LRP1B: variants seen among roughly 807,000 people sequenced by gnomAD.
LRP1B encodes the protein LDL receptor related protein 1B.
In LRP1B, 217 loss-of-function variants were observed where a neutral mutation model predicts 556.6. The observed-to-expected ratio is 0.39, with a 90% CI of 0.35 to 0.44. The LOEUF (loss-of-function observed/expected upper bound fraction) is 0.44. LRP1B is among the 20% of genes least tolerant of loss of function. The pLI is 1.00. For synonymous variants in LRP1B, 2,047 were observed against 1,865.8 expected (o/e 1.10, Z -2.50); for missense variants, 5,053 against 5,620.8 (o/e 0.90, Z 3.23).
chr2:140,860,866 T>C (rs1692766498), intron 27 of LRP1B, among the ~76,000 whole-genome samples: 1 of 151,964 alleles, frequency 6.6e-6, no homozygotes, highest in African/African-American at 2.4e-5. Context: ...AGAAGAAGCA[T>C]ACAAAAGAAG....
chr2:140,764,280 C>T (rs1399008432), intron 35 of LRP1B, among the ~76,000 whole-genome samples: 2 of 152,152 alleles, frequency 1.3e-5, no homozygotes, highest in African/African-American at 4.8e-5. Flanking sequence ...TCTACTAGCA[C>T]AAATTTGCAG....
At chr2:140,947,918 G>C (rs1157352504) in intron 20 of LRP1B, among the ~76,000 whole-genome samples, 1 of 152,186 alleles carries the variant, frequency 6.6e-6, no homozygotes, top group South Asian at 2.1e-4. Flanking sequence ...CATTCACATT[G>C]ACAGTATACC....
intron 20 of LRP1B, among the ~76,000 whole-genome samples, chr2:140,942,925 T>C (rs921446274): frequency 6.6e-6 from 1 of 152,084 alleles, no homozygotes; most frequent in African/African-American, 2.4e-5. Flanking sequence ...CGAAAATCTC[T>C]TATATCAATA....
intron 25 of LRP1B, among the ~76,000 whole-genome samples, chr2:140,869,968 A>G (rs1693075211): frequency 6.6e-6 from 1 of 152,072 alleles, no homozygotes; most frequent in African/African-American, 2.4e-5. Flanking sequence ...GCCTTTCAAG[A>G]ACATTCTAAC....
rs78033748 is a variant in LRP1B, at chr2:141,363,232, A to T, written c.344-108591T>A. 7.2e-3 allele frequency among the ~76,000 whole-genome samples: 1,091 copies of T among 152,346 alleles called. 15 individuals carry two copies. The highest frequency in any genetic ancestry group is 0.025 in the African/African-American group (1,034 of 41,594). ...CAATCTTAACCATTCTTCAAAACCC[A>T]TTCAAGTATTTAAATGAATAGATCT... On this transcript the variant is annotated intron_variant, in intron 3 of 90. Coordinates refer to ENST00000389484, the MANE Select transcript of LRP1B (RefSeq NM_018557.3).
Position 141,761,359 on chromosome 2 carries a change from CAA to C in LRP1B, c.205+48918_205+48919del, listed in dbSNP as rs11355588. Among the ~76,000 whole-genome samples the C allele has an allele frequency of 3.7e-3, 548 of 148,078 alleles. 3 individuals carry two copies. Among genetic ancestry groups the C allele is most frequent in the South Asian group, 0.013 (60 of 4,702 alleles). ...GAATTTTCCCTCAGCAATCCTAAGT[CAA>C]AAAAAAAAAATACATTGAAGTCTAG... On this transcript the variant is annotated intron_variant, in intron 2 of 90. Coordinates refer to ENST00000389484, the MANE Select transcript of LRP1B (RefSeq NM_018557.3).
At chr2:140,584,102 T>C (rs939040434) in intron 43 of LRP1B, among the ~76,000 whole-genome samples, 4 of 152,078 alleles carry the variant, frequency 2.6e-5, no homozygotes, top group Admixed American at 2.6e-4. Context: ...CACAGGGAAA[T>C]ATTGCCTCAA....
intron 15 of LRP1B, among the ~76,000 whole-genome samples, chr2:141,001,748 G>T (rs1474044521): frequency 6.6e-6 from 1 of 152,090 alleles, no homozygotes; most frequent in Non-Finnish European, 1.5e-5. Context: ...ATGAGACCAG[G>T]CAGAAGTCCC....
chr2:140,771,270 T>A (rs998094465), intron 33 of LRP1B, among the ~76,000 whole-genome samples: 3 of 152,112 alleles, frequency 2.0e-5, no homozygotes, highest in Non-Finnish European at 4.4e-5. Flanking sequence ...TTGTCATAAA[T>A]ATTTTCATAG....
intron 14 of LRP1B, among the ~76,000 whole-genome samples, chr2:141,008,651 T>C (rs906240413): frequency 2.0e-5 from 3 of 151,910 alleles, no homozygotes; most frequent in Non-Finnish European, 4.4e-5. Context: ...CCTTCTGGCT[T>C]CATCAAAAAC....
At position 140,692,245 on chromosome 2, in the gene LRP1B, A is replaced by G. The variant is rs576868282; in HGVS notation, c.6799+8005T>C. Among the ~76,000 whole-genome samples, 3 of 152,272 alleles carry G rather than the reference A, an allele frequency of 2.0e-5. No homozygotes were observed. In the East Asian group the frequency reaches 5.8e-4, roughly 29 times the overall value. ...CATAGTTTTCAATATCACATCAACC[A>G]TATCATTTGAGAATATTTTTATTGT... On this transcript the variant is annotated intron_variant, in intron 41 of 90. Coordinates refer to ENST00000389484, the MANE Select transcript of LRP1B (RefSeq NM_018557.3).
chr2:142,130,733 G>T lies in LRP1B; in HGVS notation c.-4C>A, dbSNP rs1707820042. On this transcript the variant is annotated 5_prime_UTR_variant, in exon 1 of 91. Transcript: ENST00000389484. ...AGGCGAGGAGAAACTCGGACATTGT[G>T]GTCGCCCGGTAAGGAAGCCTGCGCT... 1 of 1,609,290 alleles carries T rather than the reference G, an allele frequency of 6.2e-7. No individual in the cohort carries two copies. Among genetic ancestry groups the T allele is most frequent in the Non-Finnish European group, 8.5e-7 (1 of 1,177,666 alleles).
At chr2:140,559,072 T>C (rs1680838112) in intron 43 of LRP1B, among the ~76,000 whole-genome samples, 1 of 152,150 alleles carries the variant, frequency 6.6e-6, no homozygotes, top group East Asian at 1.9e-4. Context: ...GATAATAGTC[T>C]TGCAAAAATA....
intron 1 of LRP1B, among the ~76,000 whole-genome samples, chr2:142,022,648 C>A (rs74269572): frequency 0.036 from 5,473 of 152,008 alleles, 224 homozygotes; most frequent in East Asian, 0.17. Context: ...ATAAACAAAT[C>A]TCACTGCTTT....
At chr2:140,306,304 G>C (rs146299827) in intron 83 of LRP1B, among the ~76,000 whole-genome samples, 49,773 of 151,438 alleles carry the variant, frequency 0.33, 8,945 homozygotes, top group Non-Finnish European at 0.42. Context: ...TGGTTGGTAG[G>C]CTTTTAATTA....
At chr2:140,860,158 C>T (rs1692746870) in intron 27 of LRP1B, among the ~76,000 whole-genome samples, 1 of 152,114 alleles carries the variant, frequency 6.6e-6, no homozygotes, top group Non-Finnish European at 1.5e-5. Context: ...TACTACAGTA[C>T]ACAACCTCTC....
chr2:141,499,966 G>T (rs1444812150), intron 2 of LRP1B, among the ~76,000 whole-genome samples: 1 of 152,028 alleles, frequency 6.6e-6, no homozygotes, highest in Non-Finnish European at 1.5e-5. Context: ...TTGACATAAG[G>T]ATTACTTTGA....
intron 3 of LRP1B, among the ~76,000 whole-genome samples, chr2:141,448,093 T>C (rs866561584): frequency 6.6e-6 from 1 of 152,204 alleles, no homozygotes; most frequent in African/African-American, 2.4e-5. Flanking sequence ...GCTGCTGCCT[T>C]TCTTTCAGAG....
At chr2:140,395,934 G>C (rs1273820702) in intron 66 of LRP1B, among the ~76,000 whole-genome samples, 1 of 151,992 alleles carries the variant, frequency 6.6e-6, no homozygotes, top group East Asian at 1.9e-4. Context: ...TATGAAGTGA[G>C]TGGGGGGGAA....
Sources: allele counts gnomAD v4.1 joint callset (sites outside exome capture counted in the v4.1 genomes callset), GRCh38; gene constraint gnomAD v4.1.1; transcripts MANE v1.5; gene names NCBI Gene and HGNC (gene_info 2026-07-23, HGNC 2026-07-21).